Variants in INHBA observed in about 807,000 individuals in gnomAD.
INHBA encodes inhibin subunit beta A, also known as inhibin beta A chain.
INHBA carries 1 observed loss-of-function variant against 29.0 expected under a neutral mutation model. That is an observed-to-expected ratio of 0.03 (90% CI 0.01 to 0.16). The LOEUF is 0.16. Among genes scored for constraint, INHBA ranks in the 10% least tolerant of loss-of-function variants. The probability of loss-of-function intolerance (pLI) is 1.00; values close to 1 mark genes in which losing one functional copy is unlikely to be tolerated. For synonymous variants in INHBA, 242 were observed against 216.8 expected (o/e 1.12, Z -1.02); for missense variants, 376 against 545.4 (o/e 0.69, Z 3.09).
rs1363751675 is a variant in INHBA at position 41,699,633 on chromosome 7, C to T, written c.388+354G>A. Among the ~76,000 whole-genome samples the T allele has an allele frequency of 2.6e-5, 4 of 152,250 alleles. No homozygotes were observed. The South Asian group carries it at 8.3e-4, about 32-fold the overall frequency. On this transcript the variant is annotated intron_variant, in intron 2 of 2. Transcript: ENST00000242208. ...TAGCACCCGAAAATGCCGCGGCTTTCCTCCGGCTGCTCAGATCTGGTTTCA... is the reference window on the plus strand; with the variant it reads ...TAGCACCCGAAAATGCCGCGGCTTTTCTCCGGCTGCTCAGATCTGGTTTCA...
intron 2 of INHBA, among the ~76,000 whole-genome samples, chr7:41,696,987 C>CAGAACCCACATCCAGGTTTG (rs1202321750): frequency 7.2e-5 from 11 of 152,132 alleles, no homozygotes; most frequent in African/African-American, 2.4e-4. Flanking sequence ...AGCTAATTAC[C>CAGAACCCACATCCAGGTTTG]AGAACCCACA....
In INHBA at chr7:41,689,452, A is replaced by G. The variant is rs927870191; in HGVS notation, c.*198T>C. 4 of 518,894 alleles carry G rather than the reference A, an allele frequency of 7.7e-6. No individual in the cohort carries two copies. In the African/African-American group the frequency reaches 8.0e-5, roughly 10 times the overall value. The allele number at this position is 518,894 out of a possible 1,614,324, so 32.1% of individuals were successfully genotyped here. A position where few individuals can be genotyped will look rare whatever the true frequency, so the allele number is the denominator to read the frequency against. Reference sequence around the variant, plus strand: ...ACTGCTTCATCTCTGAGCCCTGGCTAAGGATTTTTTCCACATCTTCCTTCA... The same window carrying G: ...ACTGCTTCATCTCTGAGCCCTGGCTGAGGATTTTTTCCACATCTTCCTTCA... On this transcript the variant is annotated 3_prime_UTR_variant, in exon 3 of 3. Coordinates refer to ENST00000242208, the MANE Select transcript of INHBA (RefSeq NM_002192.4).
In INHBA at chr7:41,700,289, T is replaced by C; in HGVS notation, c.86A>G (p.His29Arg). The C allele has an allele frequency of 6.3e-7, 1 of 1,590,346 alleles. No homozygotes were observed. The highest frequency in any genetic ancestry group is 2.2e-5 in the East Asian group (1 of 44,518). The change falls in exon 2 of 3, where the codon CAC becomes CGC. Residue 29 changes from histidine to arginine, a missense_variant. Transcript: ENST00000242208. ...RSSPTPGSEG[H>R]SAAPDCPSCA... Reference sequence around the variant, plus strand: ...GGACGGACAGTCGGGGGCCGCGCTGTGCCCCTCGGATCCTGGGGTGGGGGA... The same window carrying C: ...GGACGGACAGTCGGGGGCCGCGCTGCGCCCCTCGGATCCTGGGGTGGGGGA...
At chr7:41,704,893 C>T (rs1426212546), upstream of INHBA, among the ~76,000 whole-genome samples, 1 of 151,984 alleles carries the variant, frequency 6.6e-6, no homozygotes, top group African/African-American at 2.4e-5. Flanking sequence ...GCTCTCTGAC[C>T]AGAGGAGCCA....
intron 2 of INHBA, among the ~76,000 whole-genome samples, chr7:41,699,599 C>T (rs1212670489): frequency 1.3e-5 from 2 of 152,158 alleles, no homozygotes; most frequent in African/African-American, 2.4e-5. Flanking sequence ...GAAGCCTCCT[C>T]TGCTCCCCTA....
At chr7:41,692,262 G>A (rs1794540492) in intron 2 of INHBA, 1 of 152,050 alleles carries the variant, frequency 6.6e-6, no homozygotes. Flanking sequence ...CACAAATCTG[G>A]GAACAATCTT....
chr7:41,689,608 T>C lies in INHBA; in HGVS notation c.*42A>G, dbSNP rs1794456581. The C allele has an allele frequency of 2.1e-6, 3 of 1,455,524 alleles. No homozygotes were observed. The highest frequency in any genetic ancestry group is 2.7e-6 in the Non-Finnish European group (3 of 1,105,112). The allele number at this position is 1,455,524 out of a possible 1,614,324, so 90.2% of individuals were successfully genotyped here. On this transcript the variant is annotated 3_prime_UTR_variant, in exon 3 of 3. Transcript: ENST00000242208. ...ATTTCTTCATTTTGCCACTGTCTTC[T>C]CTGGACAACTCTTGCTCCCTTTCCC... is the stretch of plus-strand genomic sequence containing the variant.
rs368440402 is a variant in INHBA, at chr7:41,702,217, T to A, written c.-144+788A>T. Reference sequence around the variant, plus strand: ...TAAATATCATTACTACAAGATAAGATCTGAGTGCAAGGGGAAGAGGGCAAG... The same window carrying A: ...TAAATATCATTACTACAAGATAAGAACTGAGTGCAAGGGGAAGAGGGCAAG... On this transcript the variant is annotated intron_variant, in intron 1 of 2. Coordinates refer to ENST00000242208, the MANE Select transcript of INHBA (RefSeq NM_002192.4). 6.6e-5 allele frequency among the ~76,000 whole-genome samples: 10 copies of A among 152,272 alleles called. No individual in the cohort carries two copies. In the East Asian group the frequency reaches 1.7e-3, roughly 27 times the overall value.
chr7:41,689,965 A>G lies in INHBA; in HGVS notation c.966T>C (p.Cys322=), dbSNP rs1240654631. Residue 322 remains cysteine, a synonymous_variant, in exon 3 of 3, where the codon TGT becomes TGC. Transcript: ENST00000242208. The stretch of plus-strand genomic sequence containing the variant: ...TGAAACTGACAAAGAACTGTTTCTT[A>G]CAGCAGATGTTGACCTTGCCATCAC... ...LECDGKVNIC[C]KKQFFVSFKD... is the part of the protein sequence containing the mutation. 4 of 1,614,084 alleles carry G rather than the reference A, an allele frequency of 2.5e-6. No individual in the cohort carries two copies. Among genetic ancestry groups the G allele is most frequent in the Non-Finnish European group, 3.4e-6 (4 of 1,180,034 alleles).
rs1466608912 is a variant in INHBA at position 41,686,600 on chromosome 7, T to A, written c.*3050A>T. ...CTTATACTTCTATTTCAAAGCCATATAAATTTAACAAAATTAAAGTTTGTG... is the reference window on the plus strand; with the variant it reads ...CTTATACTTCTATTTCAAAGCCATAAAAATTTAACAAAATTAAAGTTTGTG... On this transcript the variant is annotated 3_prime_UTR_variant, in exon 3 of 3. Transcript: ENST00000242208. The A allele has an allele frequency of 2.6e-5, 4 of 152,204 alleles. No individual in the cohort carries two copies. Among genetic ancestry groups the A allele is most frequent in the East Asian group, 1.9e-4 (1 of 5,200 alleles). 9.4% of individuals were successfully genotyped at this position (152,204 alleles called of 1,614,324 possible).
intron 2 of INHBA, chr7:41,691,514 C>T (rs558644373): frequency 1.6e-4 from 24 of 152,420 alleles, no homozygotes; most frequent in African/African-American, 5.5e-4. Flanking sequence ...AGCTCTTGCC[C>T]AGTCCTGTTC....
intron 2 of INHBA, 23 bp from the exon 3 acceptor site, chr7:41,690,565 G>A (rs1794480049): frequency 6.5e-7 from 1 of 1,547,168 alleles, no homozygotes; most frequent in Middle Eastern, 1.7e-4. Context: ...GACAGCATAA[G>A]AGAAAACAGG....
intron 2 of INHBA, among the ~76,000 whole-genome samples, chr7:41,696,654 G>C (rs1252762352): frequency 6.6e-6 from 1 of 152,184 alleles, no homozygotes; most frequent in Non-Finnish European, 1.5e-5. Flanking sequence ...TCACGGAAGA[G>C]AGCGTGTAAC....
chr7:41,695,091 A>G (rs903429390), intron 2 of INHBA, among the ~76,000 whole-genome samples: 1 of 152,234 alleles, frequency 6.6e-6, no homozygotes, highest in Non-Finnish European at 1.5e-5. Flanking sequence ...CCAAAAGTCC[A>G]GCATCTCAGA....
chr7:41,695,413 T>G (rs1794624394), intron 2 of INHBA, among the ~76,000 whole-genome samples: 1 of 152,166 alleles, frequency 6.6e-6, no homozygotes, highest in Non-Finnish European at 1.5e-5. Context: ...CAACTACCAT[T>G]TACAGGGTGC....
intron 2 of INHBA, chr7:41,694,039 C>G (rs1191417621): frequency 1.3e-5 from 2 of 152,198 alleles, no homozygotes; most frequent in African/African-American, 4.8e-5. Flanking sequence ...CTCAGGAGAA[C>G]AGGGGGAAGA....
chr7:41,693,047 G>A (rs1794557628), intron 2 of INHBA, among the ~76,000 whole-genome samples: 1 of 152,170 alleles, frequency 6.6e-6, no homozygotes, highest in African/African-American at 2.4e-5. Flanking sequence ...CATAGAGAAT[G>A]TTAACAAGAT....
chr7:41,701,877 C>T (rs768793179), intron 1 of INHBA, among the ~76,000 whole-genome samples: 1 of 152,130 alleles, frequency 6.6e-6, no homozygotes, highest in Non-Finnish European at 1.5e-5. Context: ...CTTTTTCCCT[C>T]AAAGGAACAG....
At chr7:41,698,858 AC>A (rs1161744235) in intron 2 of INHBA, among the ~76,000 whole-genome samples, 3 of 152,244 alleles carry the variant, frequency 2.0e-5, no homozygotes, top group African/African-American at 7.2e-5. Flanking sequence ...AAACTTTTAA[AC>A]AAAAATGCTG....
Sources: allele counts gnomAD v4.1 joint callset (sites outside exome capture counted in the v4.1 genomes callset), GRCh38; gene constraint gnomAD v4.1.1; transcripts MANE v1.5; gene names NCBI Gene and HGNC (gene_info 2026-07-23, HGNC 2026-07-21).